Variants in HYAL4 observed in about 807,000 individuals in gnomAD.
The protein encoded by HYAL4 is hyaluronidase-4.
HYAL4 carries 37 observed loss-of-function variants against 35.2 expected under a neutral mutation model. The ratio of observed to expected loss-of-function variants is 1.05; its 90% CI spans 0.81 to 1.38. The LOEUF (loss-of-function observed/expected upper bound fraction) is 1.38. Ranked by LOEUF, HYAL4 falls within the 40% of genes most tolerant of loss-of-function variation. The probability of loss-of-function intolerance (pLI) is 0.00; values close to 1 mark genes in which losing one functional copy is unlikely to be tolerated. For missense variants in HYAL4, 572 were observed against 572.4 expected (o/e 1.00, Z 0.01); for synonymous variants, 198 against 203.2 (o/e 0.97, Z 0.22).
chr7:123,865,572 C>T (rs1287236090), intron 2 of HYAL4, among the ~76,000 whole-genome samples: 1 of 152,066 alleles, frequency 6.6e-6, no homozygotes, highest in Admixed American at 6.5e-5. Flanking sequence ...CTCTATAGCT[C>T]CTAAATACTG....
intron 2 of HYAL4, among the ~76,000 whole-genome samples, chr7:123,857,669 GTTTCTTTCTTTC>G (rs200221721): frequency 0.12 from 15,077 of 124,542 alleles, 963 homozygotes; most frequent in South Asian, 0.17. Flanking sequence ...TTCTTTGTTT[GTTTCTTTCTTTC>G]TTTCTTTCTT....
At chr7:123,869,352 T>G in intron 3 of HYAL4, 125 bp downstream of exon 3, 1 of 674,554 alleles carries the variant, frequency 1.5e-6, no homozygotes, top group Non-Finnish European at 2.4e-6. Context: ...AGCATAATTC[T>G]TCCTTGACTA....
chr7:123,789,738 A>G, the HYAL4 span, among the ~76,000 whole-genome samples: 1 of 152,242 alleles, frequency 6.6e-6, no homozygotes, highest in African/African-American at 2.4e-5. Flanking sequence ...CCTGAGAAAT[A>G]GAACCAATAG....
chr7:123,825,463 G>A (rs185365678), upstream of HYAL4, among the ~76,000 whole-genome samples: 1 of 152,218 alleles, frequency 6.6e-6, no homozygotes, highest in African/African-American at 2.4e-5. Flanking sequence ...TAAAATAGAA[G>A]AGGAGGTAGT....
intron 2 of HYAL4, among the ~76,000 whole-genome samples, chr7:123,860,248 G>A (rs1806548055): frequency 1.3e-5 from 2 of 152,178 alleles, no homozygotes; most frequent in South Asian, 4.1e-4. Flanking sequence ...GGAACTGTGA[G>A]TAAATTAAAC....
the HYAL4 span, among the ~76,000 whole-genome samples, chr7:123,813,772 A>G: frequency 3.9e-5 from 6 of 152,190 alleles, no homozygotes; most frequent in South Asian, 2.1e-4. Flanking sequence ...TAAGTAATCA[A>G]TAAGGAGATA....
the HYAL4 span, among the ~76,000 whole-genome samples, chr7:123,770,561 G>C: frequency 6.6e-6 from 1 of 152,170 alleles, no homozygotes; most frequent in South Asian, 2.1e-4. Flanking sequence ...TAGCTGAGTG[G>C]ACAGTGTGAA....
chr7:123,803,589 A>C, the HYAL4 span, among the ~76,000 whole-genome samples: 1 of 152,226 alleles, frequency 6.6e-6, no homozygotes, highest in Non-Finnish European at 1.5e-5. Flanking sequence ...TTTTCGATAT[A>C]AATGTAGGTG....
the HYAL4 span, among the ~76,000 whole-genome samples, chr7:123,769,703 C>G: frequency 2.6e-5 from 4 of 151,570 alleles, no homozygotes; most frequent in African/African-American, 9.7e-5. Flanking sequence ...AATTCACCGT[C>G]AAGTGTAAGA....
intron 3 of HYAL4, among the ~76,000 whole-genome samples, chr7:123,869,950 A>G (rs1806834644): frequency 6.6e-6 from 1 of 150,956 alleles, no homozygotes; most frequent in African/African-American, 2.4e-5. Flanking sequence ...TCGGCCTCCC[A>G]AAGTGCTGAG....
chr7:123,766,833 C>T, the HYAL4 span, among the ~76,000 whole-genome samples: 40 of 152,304 alleles, frequency 2.6e-4, no homozygotes, highest in South Asian at 7.7e-3. Context: ...CCAACCCTGA[C>T]TGCTAGGTTA....
chr7:123,860,320 A>C (rs1356741083), intron 2 of HYAL4, among the ~76,000 whole-genome samples: 1 of 152,146 alleles, frequency 6.6e-6, no homozygotes, highest in Non-Finnish European at 1.5e-5. Flanking sequence ...AGAACAGACT[A>C]ATATAGCTCC....
At chr7:123,773,611 A>G in the HYAL4 span, among the ~76,000 whole-genome samples, 11 of 152,212 alleles carry the variant, frequency 7.2e-5, no homozygotes, top group African/African-American at 2.4e-4. Context: ...GCTGTTAACA[A>G]TTCAATTTTA....
At chr7:123,777,349 G>A in the HYAL4 span, among the ~76,000 whole-genome samples, 1 of 151,790 alleles carries the variant, frequency 6.6e-6, no homozygotes, top group African/African-American at 2.4e-5. Context: ...AAATAATAAT[G>A]TCTTGGATAT....
At position 123,830,016 on chromosome 7, in the gene HYAL4, C is replaced by T. The variant is rs542520675; in HGVS notation, c.-257+892C>T. ...GGCAGGAGCAGGTCACAAATAGATC[C>T]GAGGAAATGCATTCTTGGAATAGGG... On this transcript the variant is annotated intron_variant, in intron 1 of 4. Transcript: ENST00000489978. Among the ~76,000 whole-genome samples, 12 of 152,058 alleles carry T rather than the reference C, an allele frequency of 7.9e-5. 1 individual carries two copies. Among genetic ancestry groups the T allele is most frequent in the Admixed American group, 5.2e-4 (8 of 15,246 alleles).
At chr7:123,770,269 C>T in the HYAL4 span, among the ~76,000 whole-genome samples, 1 of 151,772 alleles carries the variant, frequency 6.6e-6, no homozygotes, top group East Asian at 1.9e-4. Context: ...CGTGAAATCC[C>T]GTCTCTACTA....
chr7:123,787,107 C>CAAAAAAAAA, the HYAL4 span, among the ~76,000 whole-genome samples: 1 of 49,146 alleles, frequency 2.0e-5, no homozygotes, highest in Non-Finnish European at 4.9e-5. Context: ...AACTCTGTCT[C>CAAAAAAAAA]AAAAAAAAAA....
chr7:123,812,623 G>A, the HYAL4 span, among the ~76,000 whole-genome samples: 3 of 151,978 alleles, frequency 2.0e-5, no homozygotes, highest in African/African-American at 7.3e-5. Flanking sequence ...AGGCCCTTTG[G>A]CTCTAAAAAA....
chr7:123,790,861 T>A, the HYAL4 span: 3 of 151,452 alleles, frequency 2.0e-5, no homozygotes, highest in African/African-American at 7.3e-5. Flanking sequence ...GCCCCCCGAG[T>A]TCAAGCGATT....
Sources: allele counts gnomAD v4.1 joint callset (sites outside exome capture counted in the v4.1 genomes callset), GRCh38; gene constraint gnomAD v4.1.1; transcripts MANE v1.5; gene names NCBI Gene and HGNC (gene_info 2026-07-23, HGNC 2026-07-21).